Variants in RORA observed in about 807,000 individuals in gnomAD.
RORA encodes the protein RAR related orphan receptor A, also known as nuclear receptor ROR-alpha.
In RORA, 7 loss-of-function variants were observed where a neutral mutation model predicts 69.5. The ratio of observed to expected loss-of-function variants is 0.10; its 90% confidence interval spans 0.06 to 0.19. The LOEUF (loss-of-function observed/expected upper bound fraction) is 0.19. Ranked by LOEUF, RORA falls within the 10% of genes least tolerant of loss-of-function variation. The probability of loss-of-function intolerance (pLI) is 1.00; values close to 1 mark genes in which losing one functional copy is unlikely to be tolerated. For synonymous variants in RORA, 261 were observed against 240.8 expected (o/e 1.08, Z -0.78); for missense variants, 457 against 663.0 (o/e 0.69, Z 3.41).
intron 1 of RORA, among the ~76,000 whole-genome samples, chr15:60,969,755 G>T (rs1893658564): frequency 6.6e-6 from 1 of 152,146 alleles, no homozygotes; most frequent in African/African-American, 2.4e-5. Context: ...ATAAGGGAGG[G>T]GGTTTGAGTT....
At position 60,606,110 on chromosome 15, in the gene RORA, A is replaced by T. The variant is rs201902522; in HGVS notation, c.196+72547T>A. ...GAAAAAACAAGTTAAGCTTCACTTT[A>T]AAGCTTTCAGTTTTAACTGGAGGAA... On this transcript the variant is annotated intron_variant, in intron 2 of 10. Transcript: ENST00000335670. Among the ~76,000 whole-genome samples, 47 of 152,350 alleles carry T rather than the reference A, an allele frequency of 3.1e-4. No homozygotes were observed. The East Asian group carries it at 7.3e-3, about 24-fold the overall frequency.
chr15:60,983,764 A>G (rs1894115307), intron 1 of RORA, among the ~76,000 whole-genome samples: 1 of 152,198 alleles, frequency 6.6e-6, no homozygotes, highest in Admixed American at 6.5e-5. Context: ...AAACGAATGA[A>G]TACATACCTC....
chr15:60,556,678 T>C (rs1191408832), intron 2 of RORA, among the ~76,000 whole-genome samples: 2 of 152,222 alleles, frequency 1.3e-5, no homozygotes, highest in Non-Finnish European at 2.9e-5. Context: ...CCCTGTTTCA[T>C]GAGTCTATTG....
chr15:60,896,199 C>G (rs536780804), intron 1 of RORA, among the ~76,000 whole-genome samples: 42 of 152,300 alleles, frequency 2.8e-4, no homozygotes, highest in African/African-American at 9.9e-4. Context: ...GAGAGGGTGA[C>G]CTGGCAAGGC....
At chr15:60,568,747 T>C (rs1253490418) in intron 2 of RORA, among the ~76,000 whole-genome samples, 1 of 152,236 alleles carries the variant, frequency 6.6e-6, no homozygotes, top group African/African-American at 2.4e-5. Context: ...AATATACATT[T>C]ATCTTGAATC....
chr15:60,836,075 C>T (rs561911995), intron 1 of RORA, among the ~76,000 whole-genome samples: 1 of 152,288 alleles, frequency 6.6e-6, no homozygotes, highest in South Asian at 2.1e-4. Flanking sequence ...TATGGTTAAG[C>T]ATTGGTCACA....
intron 1 of RORA, among the ~76,000 whole-genome samples, chr15:61,076,951 C>G (rs570008866): frequency 4.9e-4 from 73 of 149,026 alleles, no homozygotes; most frequent in African/African-American, 1.5e-3. Flanking sequence ...AAAAAAAAAG[C>G]CCTTAATTGC....
intron 2 of RORA, among the ~76,000 whole-genome samples, chr15:60,632,115 T>G (rs530750658): frequency 6.7e-6 from 1 of 149,424 alleles, no homozygotes; most frequent in East Asian, 1.9e-4. Flanking sequence ...CTACCTATTT[T>G]TTTTTTTTTT....
intron 1 of RORA, among the ~76,000 whole-genome samples, chr15:61,107,374 G>C (rs2078961613): frequency 6.6e-6 from 1 of 152,136 alleles, no homozygotes; most frequent in Admixed American, 6.5e-5. Flanking sequence ...TTTAAAGGAA[G>C]TCCACTATTC....
intron 1 of RORA, among the ~76,000 whole-genome samples, chr15:60,916,514 GC>G (rs1396031560): frequency 6.6e-6 from 1 of 152,126 alleles, no homozygotes; most frequent in Non-Finnish European, 1.5e-5. Flanking sequence ...AGCTCCCTTT[GC>G]CCCGAAATAT....
rs977535239 is a variant in RORA at position 60,825,055 on chromosome 15, T to C, written c.167-146369A>G. ...GGACTTACCTCAAGTGATGAGAGCA[T>C]TGTTGGTAGGAGAAAAGTATAGGGT... On this transcript the variant is annotated intron_variant, in intron 1 of 10. Transcript: ENST00000335670. Among the ~76,000 whole-genome samples, 30 of 152,176 alleles carry C rather than the reference T, an allele frequency of 2.0e-4. 1 individual carries two copies. The highest frequency in any genetic ancestry group is 6.8e-4 in the African/African-American group (28 of 41,458).
chr15:61,195,176 T>C (rs2079836242), intron 1 of RORA, among the ~76,000 whole-genome samples: 1 of 152,162 alleles, frequency 6.6e-6, no homozygotes, highest in Admixed American at 6.5e-5. Flanking sequence ...TGTAAGATTT[T>C]AGGTTGTCAG....
In RORA at chr15:61,223,992, G is replaced by A. The variant is rs796313796; in HGVS notation, c.166+5061C>T. 8.8e-5 allele frequency among the ~76,000 whole-genome samples: 11 copies of A among 124,710 alleles called. No individual in the cohort carries two copies. The South Asian group carries it at 2.7e-3, about 31-fold the overall frequency. The allele number at this position is 124,710 out of a possible 152,430, so 81.8% of individuals were successfully genotyped here. On this transcript the variant is annotated intron_variant, in intron 1 of 10. Coordinates refer to ENST00000335670, the MANE Select transcript of RORA (RefSeq NM_134261.3). ...TCATTTCTAAACCAACACTTCCTGC[G>A]TGAATTAGATATCAAAAAAAAAAAA...
rs150825195 is a variant in RORA, at chr15:61,190,969, G to A, written c.166+38084C>T. 2.4e-3 allele frequency among the ~76,000 whole-genome samples: 366 copies of A among 151,734 alleles called. 3 individuals are homozygous for A. Among genetic ancestry groups the A allele is most frequent in the African/African-American group, 8.5e-3 (352 of 41,350 alleles). On this transcript the variant is annotated intron_variant, in intron 1 of 10. Transcript: ENST00000335670. ...ACACCTTACTGATCGTTAGTAGCTC[G>A]TAAGCTGATTTTTAGCCTTTCAGCT...
Position 61,090,091 on chromosome 15 carries a change from C to T in RORA, c.166+138962G>A, listed in dbSNP as rs958152955. Among the ~76,000 whole-genome samples, 18 of 152,186 alleles carry T rather than the reference C, an allele frequency of 1.2e-4. No homozygotes were observed. The East Asian group carries it at 1.5e-3, about 13-fold the overall frequency. On this transcript the variant is annotated intron_variant, in intron 1 of 10. Coordinates refer to ENST00000335670, the MANE Select transcript of RORA (RefSeq NM_134261.3). ...TTTCCTTCAGAGACATTTCTCCATT[C>T]GTAATATTCAGTAAGCAGAGAAGGA...
chr15:60,895,741 C>T (rs1387423279), intron 1 of RORA, among the ~76,000 whole-genome samples: 1 of 152,210 alleles, frequency 6.6e-6, no homozygotes, highest in East Asian at 1.9e-4. Context: ...ATACAACGCA[C>T]ATGGTCAAGT....
At chr15:60,918,607 T>A (rs1371278542) in intron 1 of RORA, among the ~76,000 whole-genome samples, 1 of 152,170 alleles carries the variant, frequency 6.6e-6, no homozygotes, top group Non-Finnish European at 1.5e-5. Flanking sequence ...TGTAAGAAAA[T>A]GTTGTTATGA....
chr15:60,924,142 A>G (rs796209200), intron 1 of RORA, among the ~76,000 whole-genome samples: 13 of 152,150 alleles, frequency 8.5e-5, no homozygotes, highest in African/African-American at 3.1e-4. Context: ...CCATTCAAGA[A>G]AAGAACTCTG....
intron 4 of RORA, among the ~76,000 whole-genome samples, chr15:60,513,980 T>C (rs1247951505): frequency 1.3e-5 from 2 of 152,254 alleles, no homozygotes; most frequent in African/African-American, 4.8e-5. Flanking sequence ...CTGGTGTTGA[T>C]TATTCAGTGC....
Sources: allele counts gnomAD v4.1 joint callset (sites outside exome capture counted in the v4.1 genomes callset), GRCh38; gene constraint gnomAD v4.1.1; transcripts MANE v1.5; gene names NCBI Gene and HGNC (gene_info 2026-07-23, HGNC 2026-07-21).